The following CCDC7 variants were observed in gnomAD, a reference collection of about 807,000 sequenced individuals.
The protein encoded by CCDC7 is coiled-coil domain-containing protein 7.
Under a neutral mutation model 196.9 loss-of-function variants are expected in CCDC7, and 183 were observed. That is an observed-to-expected ratio of 0.93 (90% CI 0.82 to 1.05). The LOEUF is 1.05. Ranked by LOEUF, CCDC7 falls within the 50% of genes least tolerant of loss-of-function variation. The pLI is 0.00. For synonymous variants in CCDC7, 525 were observed against 484.6 expected, an observed-to-expected ratio of 1.08 and a Z score of -1.10; for missense variants, 1,540 against 1,482.2, an observed-to-expected ratio of 1.04 and a Z score of -0.64.
At chr10:32,450,450 G>C (rs4456172), upstream of CCDC7, among the ~76,000 whole-genome samples, 16,110 of 152,172 alleles carry the variant, frequency 0.11, 1,021 homozygotes, top group East Asian at 0.32. Flanking sequence ...CAGGGACACA[G>C]TTCAACACAT....
At position 32,592,412 on chromosome 10, in the gene CCDC7, G is replaced by A. The variant is rs142489496; in HGVS notation, c.1801+8108G>A. ...TTGTCCTTTTTCTAGTTTTTTTAAG[G>A]CATAAAGTTAGGTTGTTTATTTGAG... On this transcript the variant is annotated intron_variant, in intron 18 of 41. Coordinates refer to ENST00000639629, the Ensembl canonical transcript of CCDC7. Among the ~76,000 whole-genome samples the A allele has an allele frequency of 3.4e-3, 514 of 151,792 alleles. 5 individuals carry two copies. Among genetic ancestry groups the A allele is most frequent in the African/African-American group, 0.012 (486 of 41,426 alleles).
At chr10:32,756,440 G>T (rs1480582538) in intron 28 of CCDC7, among the ~76,000 whole-genome samples, 1 of 152,180 alleles carries the variant, frequency 6.6e-6, no homozygotes, top group South Asian at 2.1e-4. Context: ...AGAAGAGAGT[G>T]GGGGCCAATA....
intron 8 of CCDC7, among the ~76,000 whole-genome samples, chr10:32,487,515 C>T (rs1304146977): frequency 6.6e-6 from 1 of 152,202 alleles, no homozygotes. Flanking sequence ...CAGCTTTGTT[C>T]CATTGCTGGT....
chr10:32,542,027 C>T lies in CCDC7; in HGVS notation c.994-1273C>T, dbSNP rs529606347. On this transcript the variant is annotated intron_variant, in intron 11 of 41. Transcript: ENST00000639629. ...ATAGTAACGTGGTTTCTCAGATGAT[C>T]GGCCTACAGGGTCAATGTTCACTAG... Among the ~76,000 whole-genome samples the T allele has an allele frequency of 1.5e-3, 223 of 152,280 alleles. 1 individual carries two copies. The highest frequency in any genetic ancestry group is 5.1e-3 in the African/African-American group (210 of 41,552).
At chr10:32,614,231 C>T (rs1264267068) in intron 18 of CCDC7, among the ~76,000 whole-genome samples, 1 of 150,150 alleles carries the variant, frequency 6.7e-6, no homozygotes, top group Admixed American at 6.6e-5. Context: ...ATTGCAACCC[C>T]TGGTTTTTTT....
At chr10:32,624,864 G>A (rs966878359) in intron 18 of CCDC7, among the ~76,000 whole-genome samples, 2 of 151,162 alleles carry the variant, frequency 1.3e-5, no homozygotes, top group African/African-American at 4.9e-5. Flanking sequence ...GGGTTTTAGT[G>A]TTGAATTGCT....
chr10:32,462,292 G>A (rs1050175179), intron 3 of CCDC7, among the ~76,000 whole-genome samples: 3 of 152,030 alleles, frequency 2.0e-5, no homozygotes, highest in African/African-American at 4.8e-5. Context: ...AGGCATGGGG[G>A]TGTGCCCATG....
chr10:32,869,900 G>T (rs1453578654), intron 41 of CCDC7, among the ~76,000 whole-genome samples: 1 of 151,026 alleles, frequency 6.6e-6, no homozygotes, highest in African/African-American at 2.4e-5. Flanking sequence ...AAGATCAGAT[G>T]GTTGTAGATA....
At chr10:32,635,122 AAAAATCTT>A (rs768032350) in exon 20 of CCDC7, 46 of 398,694 alleles carry the variant, frequency 1.2e-4, no homozygotes, top group Non-Finnish European at 3.5e-5. Context: ...ATCTGAAACT[AAAAATCTT>A]AAAGCTACCA....
chr10:32,660,578 A>G (rs2071121639), intron 20 of CCDC7, among the ~76,000 whole-genome samples: 1 of 145,278 alleles, frequency 6.9e-6, no homozygotes, highest in Admixed American at 7.0e-5. Flanking sequence ...TAATGCCGCA[A>G]TAAACATACG....
In CCDC7 at chr10:32,593,371, CT is replaced by C. The variant is rs1475300823; in HGVS notation, c.1801+9070del. On this transcript the variant is annotated intron_variant, in intron 18 of 41. Coordinates refer to ENST00000639629, the Ensembl canonical transcript of CCDC7. ...CTTTTGAGAAGTGTCTGTTCATATC[CT>C]TTGCTCACTTTTTGATGGGTTTGTT... 1.3e-4 allele frequency among the ~76,000 whole-genome samples: 20 copies of C among 152,234 alleles called. No homozygotes were observed. In the East Asian group the frequency reaches 3.1e-3, roughly 24 times the overall value.
In CCDC7 at chr10:32,563,792, T is replaced by A. The variant is rs1290627997; in HGVS notation, c.1135-1766T>A. Among the ~76,000 whole-genome samples the A allele has an allele frequency of 5.9e-5, 9 of 151,956 alleles. No individual in the cohort carries two copies. The East Asian group carries it at 1.7e-3, about 29-fold the overall frequency. ...AAGCAATGGCAACAAAAGCCAAAAT[T>A]GACAAATGGGATCTAATTAAACTAA... On this transcript the variant is annotated intron_variant, in intron 13 of 41. Transcript: ENST00000639629.
chr10:32,698,341 G>A (rs1215723270), intron 24 of CCDC7, among the ~76,000 whole-genome samples: 3 of 152,134 alleles, frequency 2.0e-5, no homozygotes, highest in Non-Finnish European at 4.4e-5. Context: ...AAAGCTGGAC[G>A]GAGAATGACT....
At chr10:32,778,276 G>A (rs1290904879) in intron 28 of CCDC7, among the ~76,000 whole-genome samples, 2 of 152,192 alleles carry the variant, frequency 1.3e-5, no homozygotes, top group South Asian at 2.1e-4. Flanking sequence ...ATATTGAGAA[G>A]GGTATTTACT....
chr10:32,664,906 G>C (rs1478611560), intron 21 of CCDC7, among the ~76,000 whole-genome samples: 1 of 151,878 alleles, frequency 6.6e-6, no homozygotes, highest in African/African-American at 2.4e-5. Context: ...TTCCATTATG[G>C]CTTTACTAAT....
At chr10:32,752,064 C>T (rs77267773) in intron 28 of CCDC7, among the ~76,000 whole-genome samples, 9,174 of 152,090 alleles carry the variant, frequency 0.06, 862 homozygotes, top group African/African-American at 0.2. Flanking sequence ...CTTTGGCCTA[C>T]GCTTTTGACA....
At chr10:32,681,263 G>C (rs956338949) in intron 21 of CCDC7, among the ~76,000 whole-genome samples, 4 of 152,076 alleles carry the variant, frequency 2.6e-5, no homozygotes, top group African/African-American at 9.7e-5. Flanking sequence ...CTGGACCTGT[G>C]TCTGTGGGAG....
chr10:32,773,312 A>C (rs949438983), intron 28 of CCDC7, among the ~76,000 whole-genome samples: 9 of 152,062 alleles, frequency 5.9e-5, no homozygotes, highest in African/African-American at 2.2e-4. Context: ...TGCTGAGGTT[A>C]GCTTATTTGA....
downstream of CCDC7, among the ~76,000 whole-genome samples, chr10:32,879,292 G>A (rs578228588): frequency 1.7e-3 from 262 of 152,262 alleles, no homozygotes; most frequent in Non-Finnish European, 2.8e-3. Flanking sequence ...ATACGTTAAA[G>A]AGGTGTTCAG....
Sources: gnomAD v4.1 joint callset for allele counts (sites outside exome capture counted in the v4.1 genomes callset) on GRCh38, gnomAD v4.1.1 for gene constraint, MANE v1.5 for transcripts, NCBI Gene and HGNC (gene_info 2026-07-23, HGNC 2026-07-21) for gene names.